DOCK4: variants seen among roughly 807,000 people sequenced by gnomAD.
The protein encoded by DOCK4 is dedicator of cytokinesis 4, also known as dedicator of cytokinesis protein 4.
In DOCK4, 97 loss-of-function variants were observed where a neutral mutation model predicts 268.1. The observed-to-expected ratio is 0.36, with a 90% CI of 0.31 to 0.43. DOCK4 has a LOEUF of 0.43. DOCK4 is among the 20% of genes least tolerant of loss of function. The probability of loss-of-function intolerance (pLI) is 1.00; values close to 1 mark genes in which losing one functional copy is unlikely to be tolerated. For missense variants in DOCK4, 2,145 were observed against 2,455.7 expected, an observed-to-expected ratio of 0.87 and a Z score of 2.67; for synonymous variants, 954 against 887.2, an observed-to-expected ratio of 1.08 and a Z score of -1.34.
At chr7:111,758,857 G>A in intron 40 of DOCK4, 67 bp from the exon 41 acceptor site, 1 of 1,470,942 alleles carries the variant, frequency 6.8e-7, no homozygotes. Flanking sequence ...CTTGGGCTGA[G>A]CTATGGCAGA....
At chr7:111,861,075 G>A (rs985152968) in intron 23 of DOCK4, among the ~76,000 whole-genome samples, 2 of 152,124 alleles carry the variant, frequency 1.3e-5, no homozygotes, top group South Asian at 2.1e-4. Context: ...TTCCTAGTGT[G>A]GTGAAAGCAG....
chr7:111,809,154 C>T (rs1168158135), intron 29 of DOCK4, 147 bp downstream of exon 29: 5 of 739,744 alleles, frequency 6.8e-6, no homozygotes, highest in African/African-American at 3.6e-5. Flanking sequence ...AATATCAAAA[C>T]ATCCAGAAAA....
intron 1 of DOCK4, among the ~76,000 whole-genome samples, chr7:112,090,548 G>A (rs1304329437): frequency 2.0e-5 from 3 of 152,244 alleles, no homozygotes; most frequent in African/African-American, 4.8e-5. Flanking sequence ...GGAAAAACAG[G>A]AGACTCTATG....
chr7:112,011,857 C>A (rs1425116170), intron 1 of DOCK4, among the ~76,000 whole-genome samples: 1 of 149,182 alleles, frequency 6.7e-6, no homozygotes, highest in Admixed American at 6.8e-5. Flanking sequence ...TTGGCAACAG[C>A]CAGTCAAAAG....
At chr7:111,822,258 C>T in intron 27 of DOCK4, 104 bp downstream of exon 27, 3 of 800,120 alleles carry the variant, frequency 3.7e-6, no homozygotes, top group South Asian at 2.0e-5. Flanking sequence ...AATTCAGAGG[C>T]AAAAAAAAAA....
At chr7:112,136,594 G>T (rs2116209815) in intron 1 of DOCK4, among the ~76,000 whole-genome samples, 1 of 152,206 alleles carries the variant, frequency 6.6e-6, no homozygotes, top group Middle Eastern at 3.4e-3. Flanking sequence ...CAAAAGACTG[G>T]ATACAAATAA....
In DOCK4 at chr7:111,742,102, G is replaced by T; in HGVS notation, c.4708C>A (p.His1570Asn). 1 of 1,599,112 alleles carries T rather than the reference G, an allele frequency of 6.3e-7. No individual in the cohort carries two copies. The highest frequency in any genetic ancestry group is 1.3e-5 in the African/African-American group (1 of 74,196). Residue 1570 changes from histidine (H) to asparagine (N), a missense_variant, in exon 45 of 53, where the codon CAT (histidine) becomes AAT (asparagine). By Grantham distance (68) the His-to-Asn change is moderately conservative. Transcript: ENST00000428084. ...AQILEFGLAV[H>N]EKFVPQDMRP... ...ATATCTTGAGGTACAAACTTCTCAT[G>T]CACGGCCAAACCAAATTCCAGAATC...
intron 32 of DOCK4, among the ~76,000 whole-genome samples, chr7:111,787,032 T>C (rs1799219586): frequency 6.6e-6 from 1 of 152,208 alleles, no homozygotes; most frequent in Non-Finnish European, 1.5e-5. Flanking sequence ...GTCCTGATTA[T>C]AGAGGCTTAA....
intron 1 of DOCK4, among the ~76,000 whole-genome samples, chr7:112,021,955 GA>G (rs1386051784): frequency 2.0e-5 from 3 of 152,094 alleles, no homozygotes; most frequent in Non-Finnish European, 4.4e-5. Context: ...ATGCTATGTT[GA>G]AAAAATATGC....
At position 111,872,529 on chromosome 7, in the gene DOCK4, G is replaced by T. The variant is rs1806512946; in HGVS notation, c.1780C>A (p.Pro594Thr). The T allele has an allele frequency of 2.5e-6, 4 of 1,603,342 alleles. No homozygotes were observed. Among genetic ancestry groups the T allele is most frequent in the Non-Finnish European group, 3.4e-6 (4 of 1,174,388 alleles). Residue 594 changes from proline to threonine, a missense_variant, in exon 18 of 53, where the codon CCA becomes ACA. Transcript: ENST00000428084. ...GAGAGACAGCCAGTGATCTTGTCTG[G>T]GTGGGTTCTCCATTTCAAAAGATCA... Reference protein sequence around the residue: ...MLDLLKWRTHPDKITGCLSKL... With the variant: ...MLDLLKWRTHTDKITGCLSKL...
chr7:111,972,733 G>A (rs754239165), intron 8 of DOCK4, among the ~76,000 whole-genome samples: 1 of 151,214 alleles, frequency 6.6e-6, no homozygotes, highest in Non-Finnish European at 1.5e-5. Flanking sequence ...AATTTCCAGT[G>A]AACATATATA....
chr7:112,042,957 C>T (rs1586705498), intron 1 of DOCK4, among the ~76,000 whole-genome samples: 3 of 152,152 alleles, frequency 2.0e-5, no homozygotes, highest in Admixed American at 6.5e-5. Flanking sequence ...TGCACCGCCC[C>T]GCCCGCAAGT....
chr7:111,893,950 G>A (rs1808501448), intron 16 of DOCK4, among the ~76,000 whole-genome samples: 1 of 151,890 alleles, frequency 6.6e-6, no homozygotes, highest in African/African-American at 2.4e-5. Context: ...TGGGCTGGGC[G>A]CAGTGGCCCA....
intron 1 of DOCK4, among the ~76,000 whole-genome samples, chr7:112,123,047 C>T (rs1366846048): frequency 6.6e-6 from 1 of 152,220 alleles, no homozygotes; most frequent in African/African-American, 2.4e-5. Flanking sequence ...AAAACCCCAA[C>T]TAGAGTCAGA....
chr7:112,064,718 A>C (rs1806763152), intron 1 of DOCK4, among the ~76,000 whole-genome samples: 1 of 152,184 alleles, frequency 6.6e-6, no homozygotes, highest in African/African-American at 2.4e-5. Flanking sequence ...CCTAACCTCA[A>C]TACCTCAGAA....
chr7:112,023,357 G>C (rs254866), intron 1 of DOCK4: 2,454 of 217,956 alleles, frequency 0.011, 21 homozygotes, highest in Non-Finnish European at 0.017. Flanking sequence ...TTAATGCAGA[G>C]AGCTTTGGCA....
intron 16 of DOCK4, among the ~76,000 whole-genome samples, chr7:111,884,955 C>G (rs1210958915): frequency 6.6e-6 from 1 of 152,116 alleles, no homozygotes; most frequent in Admixed American, 6.5e-5. Flanking sequence ...TAGAACCAGC[C>G]AGGGAGTCAG....
chr7:111,862,711 T>G (rs955302748), intron 23 of DOCK4, among the ~76,000 whole-genome samples: 10 of 151,916 alleles, frequency 6.6e-5, no homozygotes, highest in Non-Finnish European at 1.5e-4. Context: ...AGGCTGGTCT[T>G]GAACTCCTGA....
At chr7:111,735,782 C>G (rs1330830809) in intron 50 of DOCK4, among the ~76,000 whole-genome samples, 1 of 152,206 alleles carries the variant, frequency 6.6e-6, no homozygotes, top group Non-Finnish European at 1.5e-5. Context: ...AAGGGCAGGA[C>G]ACGCTGGTTG....
Sources: allele counts gnomAD v4.1 joint callset (sites outside exome capture counted in the v4.1 genomes callset), GRCh38; gene constraint gnomAD v4.1.1; transcripts MANE v1.5; gene names NCBI Gene and HGNC (gene_info 2026-07-23, HGNC 2026-07-21).